Variants in FGGY observed in about 807,000 individuals in gnomAD.
FGGY encodes the protein FGGY carbohydrate kinase domain-containing protein.
In FGGY, 72 loss-of-function variants were observed where a neutral mutation model predicts 71.3. That is an observed-to-expected ratio of 1.01 (90% confidence interval 0.84 to 1.23). The LOEUF (loss-of-function observed/expected upper bound fraction) is 1.23, where lower values mean the gene tolerates loss of function less well. Among genes scored for constraint, FGGY ranks in the 50% most tolerant of loss-of-function variants. The probability of loss-of-function intolerance (pLI) is 0.00; values close to 1 mark genes in which losing one functional copy is unlikely to be tolerated. For synonymous variants in FGGY, 251 were observed against 250.3 expected (o/e 1.00, Z -0.02); for missense variants, 668 against 682.3 (o/e 0.98, Z 0.23).
In FGGY at chr1:59,426,747, C is replaced by T. The variant is rs568615060; in HGVS notation, c.555-30214C>T. 1.2e-4 allele frequency among the ~76,000 whole-genome samples: 18 copies of T among 152,002 alleles called. No homozygotes were observed. In the Middle Eastern group the frequency reaches 0.01, roughly 86 times the overall value. On this transcript the variant is annotated intron_variant, in intron 5 of 15. Transcript: ENST00000303721. ...AAGTCAGGGACCTGCCTGCTTGCTCCGCAATCCCTAGAACTGTGTCTAGAA... is the reference window on the plus strand; with the variant it reads ...AAGTCAGGGACCTGCCTGCTTGCTCTGCAATCCCTAGAACTGTGTCTAGAA...
intron 8 of FGGY, among the ~76,000 whole-genome samples, chr1:59,555,313 C>T (rs1252291357): frequency 6.6e-6 from 1 of 152,196 alleles, no homozygotes; most frequent in Non-Finnish European, 1.5e-5. Flanking sequence ...ATCCCATTTT[C>T]TATGGCTGAG....
At chr1:59,578,908 G>A (rs564287411) in intron 8 of FGGY, among the ~76,000 whole-genome samples, 1 of 152,120 alleles carries the variant, frequency 6.6e-6, no homozygotes, top group East Asian at 1.9e-4. Flanking sequence ...GGGGGAGAGC[G>A]AGGTAGAAGA....
At chr1:59,326,324 C>G (rs1343851486) in intron 2 of FGGY, among the ~76,000 whole-genome samples, 1 of 152,174 alleles carries the variant, frequency 6.6e-6, no homozygotes, top group Non-Finnish European at 1.5e-5. Context: ...CCATTTTGTT[C>G]TGTCTTGGTG....
At chr1:59,612,025 A>G (rs1470694119) in intron 9 of FGGY, among the ~76,000 whole-genome samples, 1 of 152,222 alleles carries the variant, frequency 6.6e-6, no homozygotes, top group African/African-American at 2.4e-5. Flanking sequence ...ACGTCTGATT[A>G]GTGTACCTGA....
intron 15 of FGGY, among the ~76,000 whole-genome samples, chr1:59,760,091 C>T (rs1336778125): frequency 1.3e-5 from 2 of 152,094 alleles, no homozygotes; most frequent in African/African-American, 4.8e-5. Flanking sequence ...TAAAGAACTC[C>T]TAAAACTCAA....
chr1:59,354,400 G>A (rs754583747), intron 4 of FGGY, among the ~76,000 whole-genome samples: 2 of 152,152 alleles, frequency 1.3e-5, no homozygotes, highest in Non-Finnish European at 2.9e-5. Flanking sequence ...TTTTACAGAT[G>A]AGGAAACAGG....
chr1:59,744,192 T>A (rs191967970), intron 14 of FGGY, among the ~76,000 whole-genome samples: 97 of 152,372 alleles, frequency 6.4e-4, no homozygotes, highest in African/African-American at 2.2e-3. Flanking sequence ...ATGAGTAAAC[T>A]GAGGGACAAA....
In FGGY at chr1:59,605,185, G is replaced by T. The variant is rs144721044; in HGVS notation, c.904-2618G>T. Among the ~76,000 whole-genome samples the T allele has an allele frequency of 4.6e-3, 705 of 152,230 alleles. 4 individuals are homozygous for T. The highest frequency in any genetic ancestry group is 7.9e-3 in the Non-Finnish European group (537 of 67,998). On this transcript the variant is annotated intron_variant, in intron 8 of 15. Transcript: ENST00000303721. ...ACTGAATTAGGTACCTCCCTTGTGT[G>T]CTCTCTTACTACCTTTTGGCTTTCC... is the stretch of plus-strand genomic sequence containing the variant.
chr1:59,559,213 G>A (rs578094644), intron 8 of FGGY, among the ~76,000 whole-genome samples: 1 of 152,318 alleles, frequency 6.6e-6, no homozygotes, highest in Admixed American at 6.5e-5. Flanking sequence ...TTAATTTTGG[G>A]AACTGATAAA....
chr1:59,514,198 A>C (rs1246348401), intron 7 of FGGY, among the ~76,000 whole-genome samples: 1 of 152,146 alleles, frequency 6.6e-6, no homozygotes, highest in Non-Finnish European at 1.5e-5. Flanking sequence ...AGGCCACAAA[A>C]GCTTTCTCTG....
intron 5 of FGGY, among the ~76,000 whole-genome samples, chr1:59,445,197 G>A (rs1350332507): frequency 6.6e-6 from 1 of 152,060 alleles, no homozygotes; most frequent in Non-Finnish European, 1.5e-5. Context: ...TTCATGCCAG[G>A]GCAACACTCA....
chr1:59,392,575 C>T lies in FGGY; in HGVS notation c.554+13738C>T, dbSNP rs1487230181. On this transcript the variant is annotated intron_variant, in intron 5 of 15. Transcript: ENST00000303721. ...GACCAGCATCTCCTTTTGGATTCTC[C>T]TTTAAAACTCATTCCTTTGAAAGGA... is the stretch of plus-strand genomic sequence containing the variant. Among the ~76,000 whole-genome samples, 87 of 152,258 alleles carry T rather than the reference C, an allele frequency of 5.7e-4. 1 individual carries two copies. The highest frequency in any genetic ancestry group is 8.8e-5 in the Non-Finnish European group (6 of 68,010).
intron 3 of FGGY, among the ~76,000 whole-genome samples, chr1:59,343,384 C>G (rs541076898): frequency 6.6e-6 from 1 of 152,144 alleles, no homozygotes; most frequent in African/African-American, 2.4e-5. Flanking sequence ...GAACCTCTTT[C>G]TCACTCTTTC....
intron 9 of FGGY, among the ~76,000 whole-genome samples, chr1:59,608,129 C>T (rs1276683962): frequency 6.6e-6 from 1 of 152,202 alleles, no homozygotes; most frequent in Non-Finnish European, 1.5e-5. Flanking sequence ...CCCTTCTTCT[C>T]ACCTGATCTT....
chr1:59,586,666 A>G (rs1048255540), intron 8 of FGGY, among the ~76,000 whole-genome samples: 10 of 152,222 alleles, frequency 6.6e-5, no homozygotes, highest in Admixed American at 6.5e-5. Context: ...ATAATAAAAA[A>G]TAAAAGACCA....
intron 11 of FGGY, among the ~76,000 whole-genome samples, chr1:59,644,199 G>A (rs940467401): frequency 6.6e-6 from 1 of 152,048 alleles, no homozygotes; most frequent in Non-Finnish European, 1.5e-5. Context: ...ATAGCCACTC[G>A]TGGTTTGACC....
chr1:59,491,882 AT>A (rs1391770009), intron 6 of FGGY, among the ~76,000 whole-genome samples: 1 of 152,054 alleles, frequency 6.6e-6, no homozygotes, highest in African/African-American at 2.4e-5. Context: ...AAACTTCAAA[AT>A]TTTTCTGTAT....
At chr1:59,663,965 T>G (rs1399525447) in intron 12 of FGGY, among the ~76,000 whole-genome samples, 2 of 152,176 alleles carry the variant, frequency 1.3e-5, no homozygotes, top group Non-Finnish European at 2.9e-5. Context: ...AGGGGTGAAA[T>G]GAAATTAAAG....
intron 9 of FGGY, among the ~76,000 whole-genome samples, chr1:59,617,093 C>T (rs956007016): frequency 3.3e-5 from 5 of 152,008 alleles, no homozygotes; most frequent in African/African-American, 9.7e-5. Context: ...TTTTTATTCC[C>T]GCTTGCATAT....
Sources: gnomAD v4.1 joint callset for allele counts (sites outside exome capture counted in the v4.1 genomes callset) on GRCh38, gnomAD v4.1.1 for gene constraint, MANE v1.5 for transcripts, NCBI Gene and HGNC (gene_info 2026-07-23, HGNC 2026-07-21) for gene names.